ZNF678: variants seen among roughly 807,000 people sequenced by gnomAD.
ZNF678 encodes zinc finger protein 678.
Under a neutral mutation model 3.0 loss-of-function variants are expected in ZNF678, and 5 were observed. The ratio of observed to expected loss-of-function variants is 1.69; its 90% CI spans 0.88 to 3.56. The LOEUF is 3.56. ZNF678 is among the 30% of genes most tolerant of loss of function. ZNF678 has a pLI of 0.00. For missense variants in ZNF678, 593 were observed against 605.0 expected (o/e 0.98, Z 0.21); for synonymous variants, 218 against 199.6 (o/e 1.09, Z -0.78).
downstream of ZNF678, among the ~76,000 whole-genome samples, chr1:227,663,413 A>G (rs1397441890): frequency 6.6e-6 from 1 of 152,232 alleles, no homozygotes; most frequent in African/African-American, 2.4e-5. Flanking sequence ...AAGACATGTA[A>G]GGTCAGAGCT....
Position 227,655,906 on chromosome 1 carries a change from G to A in ZNF678, c.*78G>A. 6.7e-6 allele frequency: 9 copies of A among 1,349,208 alleles called. No individual in the cohort carries two copies. The highest frequency in any genetic ancestry group is 8.1e-6 in the Non-Finnish European group (8 of 991,640). The allele number at this position is 1,349,208 out of a possible 1,614,324, so 83.6% of individuals were successfully genotyped here. ...ATGAGCATAATGACTGTTTAAGGAT[G>A]TTTCACAAAATGTAAGCTTCAGAGT... is the stretch of plus-strand genomic sequence containing the variant. On this transcript the variant is annotated 3_prime_UTR_variant, in exon 4 of 4. Transcript: ENST00000343776.
At chr1:227,586,713 G>A (rs1054495137) in intron 1 of ZNF678, among the ~76,000 whole-genome samples, 6 of 152,172 alleles carry the variant, frequency 3.9e-5, no homozygotes, top group Admixed American at 1.3e-4. Flanking sequence ...GATTCTGTGT[G>A]GTGTCCAAGG....
chr1:227,621,591 T>C (rs1203235098), intron 1 of ZNF678, among the ~76,000 whole-genome samples: 3 of 152,220 alleles, frequency 2.0e-5, no homozygotes, highest in Non-Finnish European at 4.4e-5. Flanking sequence ...CTGCAGAGAA[T>C]GATGAGGTTG....
chr1:227,569,368 T>A (rs1656778366), intron 1 of ZNF678, among the ~76,000 whole-genome samples: 1 of 152,232 alleles, frequency 6.6e-6, no homozygotes, highest in African/African-American at 2.4e-5. Flanking sequence ...TAAATTTGAA[T>A]CATTCTTTTT....
chr1:227,580,705 G>A (rs35703429), intron 1 of ZNF678, among the ~76,000 whole-genome samples: 2,543 of 152,170 alleles, frequency 0.017, 62 homozygotes, highest in South Asian at 0.057. Context: ...CAAGGCAGGC[G>A]GATCATCTGA....
At chr1:227,597,395 T>G (rs1026748044) in intron 1 of ZNF678, among the ~76,000 whole-genome samples, 11 of 152,250 alleles carry the variant, frequency 7.2e-5, no homozygotes, top group African/African-American at 2.7e-4. Context: ...AGAGTTTATT[T>G]TTGGCCAGTT....
chr1:227,577,869 G>A (rs1657024663), intron 1 of ZNF678, among the ~76,000 whole-genome samples: 1 of 152,124 alleles, frequency 6.6e-6, no homozygotes, highest in South Asian at 2.1e-4. Context: ...TGTAGTGGCT[G>A]GTAACAGTCT....
intron 1 of ZNF678, among the ~76,000 whole-genome samples, chr1:227,584,680 A>G (rs1449503811): frequency 6.6e-6 from 1 of 152,236 alleles, no homozygotes; most frequent in African/African-American, 2.4e-5. Flanking sequence ...TCAACTCTAA[A>G]TACAGACAGT....
chr1:227,611,746 G>A lies in ZNF678; in HGVS notation c.-163-34798G>A, dbSNP rs79218994. Among the ~76,000 whole-genome samples, 593 of 152,244 alleles carry A rather than the reference G, an allele frequency of 3.9e-3. 6 individuals carry two copies. Among genetic ancestry groups the A allele is most frequent in the African/African-American group, 0.013 (546 of 41,532 alleles). On this transcript the variant is annotated intron_variant, in intron 1 of 3. Transcript: ENST00000343776. Reference sequence around the variant, plus strand: ...AGTGGGCTTTTGGTGTATGCCTGTGGTTAATATATGCTTCTCAAGACACAG... The same window carrying A: ...AGTGGGCTTTTGGTGTATGCCTGTGATTAATATATGCTTCTCAAGACACAG...
At chr1:227,589,149 A>T (rs1319094067) in intron 1 of ZNF678, among the ~76,000 whole-genome samples, 1 of 151,584 alleles carries the variant, frequency 6.6e-6, no homozygotes, top group Non-Finnish European at 1.5e-5. Flanking sequence ...GTTTAATTAG[A>T]TCCCATTTGC....
intron 1 of ZNF678, among the ~76,000 whole-genome samples, chr1:227,619,563 G>C (rs950448706): frequency 6.6e-6 from 1 of 151,956 alleles, no homozygotes; most frequent in Non-Finnish European, 1.5e-5. Flanking sequence ...CCAGGCTGGA[G>C]TGCAGTGGCA....
chr1:227,640,905 C>T (rs1658803525), intron 1 of ZNF678, among the ~76,000 whole-genome samples: 1 of 152,150 alleles, frequency 6.6e-6, no homozygotes, highest in Admixed American at 6.5e-5. Context: ...CTGCCTTTTT[C>T]CTCCCCAAAC....
chr1:227,636,340 G>A lies in ZNF678; in HGVS notation c.-163-10204G>A, dbSNP rs547767755. 3.3e-5 allele frequency among the ~76,000 whole-genome samples: 5 copies of A among 152,324 alleles called. No homozygotes were observed. In the East Asian group the frequency reaches 9.6e-4, roughly 29 times the overall value. The stretch of plus-strand genomic sequence containing the variant: ...ATCTATGTTAAGACAGCAGTTTAGA[G>A]ATATTAAACTTACCACAGACTCCAC... On this transcript the variant is annotated intron_variant, in intron 1 of 3. Coordinates refer to ENST00000343776, the MANE Select transcript of ZNF678 (RefSeq NM_001367909.1).
intron 1 of ZNF678, among the ~76,000 whole-genome samples, chr1:227,635,515 T>TTGTGTGTGTGTGTGTGTGTG (rs56135481): frequency 1.7e-3 from 220 of 127,996 alleles, no homozygotes; most frequent in South Asian, 1.7e-3. Context: ...GGGTGAACAT[T>TTGTGTGTGTGTGTGTGTGTG]TGTGTGTGTG....
intron 1 of ZNF678, among the ~76,000 whole-genome samples, chr1:227,597,965 A>G (rs978780801): frequency 3.9e-5 from 6 of 152,196 alleles, no homozygotes; most frequent in African/African-American, 1.2e-4. Context: ...CCCCAGGTAA[A>G]TAAAAGTATA....
intron 1 of ZNF678, among the ~76,000 whole-genome samples, chr1:227,606,760 G>T (rs971989792): frequency 5.9e-5 from 9 of 152,094 alleles, no homozygotes; most frequent in African/African-American, 2.2e-4. Context: ...GGTTAATAGA[G>T]AATGGAGAAT....
chr1:227,578,269 T>C (rs1240118850), intron 1 of ZNF678, among the ~76,000 whole-genome samples: 1 of 152,238 alleles, frequency 6.6e-6, no homozygotes, highest in Non-Finnish European at 1.5e-5. Context: ...TTTTTTGAAT[T>C]TGAATGTTGG....
rs373161360 is a variant in ZNF678 at position 227,655,470 on chromosome 1, G to A, written c.1220G>A (p.Cys407Tyr). The change falls in exon 4 of 4, where the codon TGT (cysteine) becomes TAT (tyrosine). Residue 407 changes from cysteine to tyrosine, a missense_variant. Transcript: ENST00000343776. ...RIHTGVKPYK[C>Y]EECGKVFKQC... Reference sequence around the variant, plus strand: ...CATACTGGAGTGAAACCCTACAAATGTGAAGAATGTGGGAAAGTTTTTAAA... The same window carrying A: ...CATACTGGAGTGAAACCCTACAAATATGAAGAATGTGGGAAAGTTTTTAAA... 1.6e-5 allele frequency: 26 copies of A among 1,612,066 alleles called. No homozygotes were observed. The highest frequency in any genetic ancestry group is 1.6e-4 in the Middle Eastern group (1 of 6,070).
chr1:227,625,829 C>T (rs1407621605), intron 1 of ZNF678, among the ~76,000 whole-genome samples: 5 of 152,106 alleles, frequency 3.3e-5, no homozygotes, highest in Non-Finnish European at 7.4e-5. Flanking sequence ...ATCAGACATA[C>T]CGGTATGGGT....
Sources: allele counts gnomAD v4.1 joint callset (sites outside exome capture counted in the v4.1 genomes callset), GRCh38; gene constraint gnomAD v4.1.1; transcripts MANE v1.5; gene names NCBI Gene and HGNC (gene_info 2026-07-23, HGNC 2026-07-21).